The following CACNB2 variants were observed in gnomAD, a reference collection of about 807,000 sequenced individuals.
The protein encoded by CACNB2 is calcium voltage-gated channel auxiliary subunit beta 2.
A neutral mutation model predicts 73.3 loss-of-function variants in CACNB2; 42 were observed. That is an observed-to-expected ratio of 0.57 (90% CI 0.45 to 0.74). CACNB2 has a LOEUF of 0.74. Among genes scored for constraint, CACNB2 ranks in the 30% least tolerant of loss-of-function variants. The pLI is 0.00. For synonymous variants in CACNB2, 348 were observed against 310.3 expected, an observed-to-expected ratio of 1.12 and a Z score of -1.28; for missense variants, 940 against 853.0, an observed-to-expected ratio of 1.10 and a Z score of -1.27.
chr10:18,304,460 C>T (rs1352582286), intron 2 of CACNB2, among the ~76,000 whole-genome samples: 1 of 152,172 alleles, frequency 6.6e-6, no homozygotes, highest in African/African-American at 2.4e-5. Flanking sequence ...GCATTGAAAA[C>T]ATTGTTTGTT....
At chr10:18,290,091 G>GT (rs1215356404) in intron 2 of CACNB2, among the ~76,000 whole-genome samples, 4 of 70,874 alleles carry the variant, frequency 5.6e-5, no homozygotes, top group East Asian at 4.7e-4. Context: ...TCTCTTTAAA[G>GT]TTTTTTTCTT....
intron 13 of CACNB2, 29 bp from the exon 14 acceptor site, chr10:18,539,201 A>G (rs1375559085): frequency 1.2e-6 from 2 of 1,613,720 alleles, no homozygotes; most frequent in Non-Finnish European, 1.7e-6. Flanking sequence ...GACCTTGGTT[A>G]ACGCCTGGTG....
chr10:18,285,575 A>T (rs1412862930), intron 2 of CACNB2, among the ~76,000 whole-genome samples: 1 of 152,186 alleles, frequency 6.6e-6, no homozygotes, highest in Admixed American at 6.5e-5. Flanking sequence ...CTCAAATGAA[A>T]ACTGCCTAAC....
At chr10:18,292,234 G>A (rs910802592) in intron 2 of CACNB2, among the ~76,000 whole-genome samples, 8 of 152,192 alleles carry the variant, frequency 5.3e-5, no homozygotes, top group African/African-American at 1.4e-4. Context: ...TTGGAAACAA[G>A]ATAGCATAGC....
At chr10:18,275,959 C>A (rs1212843343) in intron 2 of CACNB2, among the ~76,000 whole-genome samples, 1 of 152,294 alleles carries the variant, frequency 6.6e-6, no homozygotes, top group East Asian at 1.9e-4. Flanking sequence ...AGTGGTGAAA[C>A]TTTGTTCAGA....
chr10:18,332,410 G>T (rs2040840990), intron 2 of CACNB2, among the ~76,000 whole-genome samples: 1 of 152,130 alleles, frequency 6.6e-6, no homozygotes, highest in Non-Finnish European at 1.5e-5. Context: ...CTCTTTCGGG[G>T]ACACAGAAAG....
chr10:18,258,755 C>CA (rs1194650192), intron 2 of CACNB2, among the ~76,000 whole-genome samples: 8 of 150,474 alleles, frequency 5.3e-5, no homozygotes, highest in South Asian at 4.2e-4. Flanking sequence ...AAACAAAAAA[C>CA]AAAAAAAAAC....
chr10:18,440,131 T>G (rs964598839), intron 3 of CACNB2, among the ~76,000 whole-genome samples: 2 of 152,064 alleles, frequency 1.3e-5, no homozygotes, highest in Admixed American at 1.3e-4. Context: ...TTGCTGTGTC[T>G]TCATGTGGGA....
chr10:18,317,079 T>TA (rs1388882798), intron 2 of CACNB2, among the ~76,000 whole-genome samples: 2 of 152,048 alleles, frequency 1.3e-5, no homozygotes, highest in Non-Finnish European at 2.9e-5. Flanking sequence ...CTCATAAACT[T>TA]ACAGCTGTCT....
intron 2 of CACNB2, among the ~76,000 whole-genome samples, chr10:18,365,611 A>G (rs759563355): frequency 6.7e-6 from 1 of 149,528 alleles, no homozygotes; most frequent in Non-Finnish European, 1.5e-5. Context: ...TACTACAAGG[A>G]TGTTTGGCAA....
intron 2 of CACNB2, among the ~76,000 whole-genome samples, chr10:18,348,566 TGCAGTG>T (rs2041571589): frequency 1.3e-5 from 2 of 152,152 alleles, no homozygotes; most frequent in African/African-American, 2.4e-5. Flanking sequence ...CAGGCTGGAG[TGCAGTG>T]GCCTGATCTC....
chr10:18,230,603 G>A (rs1391214261), intron 2 of CACNB2, among the ~76,000 whole-genome samples: 4 of 152,216 alleles, frequency 2.6e-5, no homozygotes, highest in South Asian at 2.1e-4. Context: ...AGAAAAACAC[G>A]AGTTTTCTCT....
intron 2 of CACNB2, among the ~76,000 whole-genome samples, chr10:18,200,864 A>T (rs755761120): frequency 3.9e-5 from 6 of 152,158 alleles, no homozygotes; most frequent in Non-Finnish European, 7.3e-5. Flanking sequence ...ATGCCCACAT[A>T]TCTGAAGGAA....
intron 2 of CACNB2, among the ~76,000 whole-genome samples, chr10:18,255,951 C>A (rs2037269195): frequency 6.6e-6 from 1 of 152,210 alleles, no homozygotes; most frequent in African/African-American, 2.4e-5. Flanking sequence ...ATGTTTAACT[C>A]TGACTGTGTT....
chr10:18,198,160 A>G (rs1048302352), intron 2 of CACNB2, among the ~76,000 whole-genome samples: 1 of 148,534 alleles, frequency 6.7e-6, no homozygotes, highest in Non-Finnish European at 1.5e-5. Context: ...CACACATATT[A>G]CATGTATGTA....
intron 2 of CACNB2, among the ~76,000 whole-genome samples, chr10:18,197,933 A>G (rs1220957338): frequency 2.0e-5 from 3 of 148,194 alleles, no homozygotes; most frequent in Admixed American, 1.4e-4. Flanking sequence ...TTAATGGTTA[A>G]TATATAGTCA....
At chr10:18,290,112 CT>C (rs992393946) in intron 2 of CACNB2, among the ~76,000 whole-genome samples, 1,926 of 50,116 alleles carry the variant, frequency 0.038, 5 homozygotes, top group East Asian at 0.075. Flanking sequence ...TTTTCTTTTT[CT>C]TTTTTTTTTT....
intron 2 of CACNB2, among the ~76,000 whole-genome samples, chr10:18,350,226 C>T (rs940590232): frequency 6.6e-6 from 1 of 151,868 alleles, no homozygotes; most frequent in African/African-American, 2.4e-5. Context: ...GCCTGGGCAA[C>T]AAGAGCAAAA....
intron 9 of CACNB2, among the ~76,000 whole-genome samples, chr10:18,523,914 G>A (rs7081090): frequency 6.6e-6 from 1 of 152,198 alleles, no homozygotes; most frequent in African/African-American, 2.4e-5. Context: ...AGGTAGTCAA[G>A]AATTCCTTTT....
Sources: gnomAD v4.1 joint callset for allele counts (sites outside exome capture counted in the v4.1 genomes callset) on GRCh38, gnomAD v4.1.1 for gene constraint, MANE v1.5 for transcripts, NCBI Gene and HGNC (gene_info 2026-07-23, HGNC 2026-07-21) for gene names.